Variants in KCNIP4 observed in about 807,000 individuals in gnomAD.
KCNIP4 encodes the protein potassium voltage-gated channel interacting protein 4.
A neutral mutation model predicts 34.0 loss-of-function variants in KCNIP4; 12 were observed. The observed-to-expected ratio is 0.35, with a 90% CI of 0.23 to 0.57. KCNIP4 has a LOEUF of 0.57. Ranked by LOEUF, KCNIP4 falls within the 20% of genes least tolerant of loss-of-function variation. The probability of loss-of-function intolerance (pLI) is 0.83; values close to 1 mark genes in which losing one functional copy is unlikely to be tolerated. For synonymous variants in KCNIP4, 124 were observed against 102.2 expected (o/e 1.21, Z -1.29); for missense variants, 238 against 311.7 (o/e 0.76, Z 1.78).
intron 1 of KCNIP4, among the ~76,000 whole-genome samples, chr4:21,467,119 A>ACACACAC (rs1560434385): frequency 2.5e-4 from 20 of 79,694 alleles, no homozygotes; most frequent in Non-Finnish European, 3.9e-4. Context: ...CACACACACA[A>ACACACAC]AACAGAACAT....
At chr4:20,866,833 C>A (rs929862258) in intron 2 of KCNIP4, among the ~76,000 whole-genome samples, 4 of 151,992 alleles carry the variant, frequency 2.6e-5, no homozygotes, top group African/African-American at 9.7e-5. Flanking sequence ...AATCAATGCA[C>A]AAAACTCAGT....
chr4:21,226,868 A>T (rs963123332), intron 1 of KCNIP4, among the ~76,000 whole-genome samples: 12 of 150,728 alleles, frequency 8.0e-5, no homozygotes, highest in African/African-American at 2.7e-4. Context: ...TGAACCAGTA[A>T]TTTTTTTTTT....
intron 1 of KCNIP4, among the ~76,000 whole-genome samples, chr4:21,786,295 G>GT (rs1357659225): frequency 6.6e-6 from 1 of 152,058 alleles, no homozygotes; most frequent in Non-Finnish European, 1.5e-5. Context: ...GGGTCATATG[G>GT]TAACTACATG....
At chr4:21,039,525 T>A (rs550514886) in intron 1 of KCNIP4, among the ~76,000 whole-genome samples, 1 of 152,180 alleles carries the variant, frequency 6.6e-6, no homozygotes, top group Non-Finnish European at 1.5e-5. Flanking sequence ...TTCATTCTTA[T>A]AGGGTGACTA....
chr4:21,437,383 T>C (rs1727037245), intron 1 of KCNIP4, among the ~76,000 whole-genome samples: 1 of 152,168 alleles, frequency 6.6e-6, no homozygotes, highest in South Asian at 2.1e-4. Context: ...TTATAACAAA[T>C]AAAAAGCAGT....
intron 1 of KCNIP4, among the ~76,000 whole-genome samples, chr4:21,494,158 C>T (rs1483824442): frequency 6.6e-6 from 1 of 152,114 alleles, no homozygotes; most frequent in African/African-American, 2.4e-5. Flanking sequence ...TGACCCAGAG[C>T]TGAGTAATGT....
chr4:20,748,777 A>G (rs145674370), intron 5 of KCNIP4, among the ~76,000 whole-genome samples: 21 of 150,132 alleles, frequency 1.4e-4, no homozygotes, highest in African/African-American at 5.1e-4. Flanking sequence ...TTCACAGCTG[A>G]TCAGAGTTCA....
At chr4:20,758,261 G>A (rs12509329) in intron 4 of KCNIP4, among the ~76,000 whole-genome samples, 6,072 of 152,084 alleles carry the variant, frequency 0.04, 151 homozygotes, top group East Asian at 0.1. Context: ...ATAATATCTA[G>A]GATGGTTTTA....
At chr4:20,961,680 C>T (rs969896393) in intron 1 of KCNIP4, among the ~76,000 whole-genome samples, 4 of 152,144 alleles carry the variant, frequency 2.6e-5, no homozygotes, top group Admixed American at 1.3e-4. Flanking sequence ...AAAAGTATAA[C>T]CAGAAAAATT....
chr4:21,273,427 G>T (rs1762268772), intron 1 of KCNIP4, among the ~76,000 whole-genome samples: 1 of 152,100 alleles, frequency 6.6e-6, no homozygotes, highest in African/African-American at 2.4e-5. Context: ...CTCAGTGAAA[G>T]CCATTTACAT....
At chr4:21,057,113 C>T (rs1489486573) in intron 1 of KCNIP4, among the ~76,000 whole-genome samples, 2 of 151,944 alleles carry the variant, frequency 1.3e-5, no homozygotes, top group Non-Finnish European at 2.9e-5. Context: ...TTACAATGTG[C>T]CCAAATTGTA....
intron 1 of KCNIP4, among the ~76,000 whole-genome samples, chr4:21,590,628 G>A (rs1439317673): frequency 1.3e-5 from 2 of 151,948 alleles, no homozygotes; most frequent in East Asian, 3.9e-4. Flanking sequence ...CTGAAGTTGT[G>A]TGACATAGAT....
intron 1 of KCNIP4, among the ~76,000 whole-genome samples, chr4:21,277,087 G>A (rs186720796): frequency 4.9e-4 from 74 of 152,286 alleles, no homozygotes; most frequent in African/African-American, 1.7e-3. Flanking sequence ...AGCAACTAAA[G>A]TAAGATTTTT....
intron 5 of KCNIP4, among the ~76,000 whole-genome samples, chr4:20,740,984 C>G (rs947242803): frequency 2.0e-5 from 3 of 152,236 alleles, no homozygotes; most frequent in East Asian, 1.9e-4. Flanking sequence ...AAGGCTATTA[C>G]ATAATGGTAA....
At chr4:21,588,174 C>T (rs1331616424) in intron 1 of KCNIP4, among the ~76,000 whole-genome samples, 2 of 152,014 alleles carry the variant, frequency 1.3e-5, no homozygotes, top group African/African-American at 4.8e-5. Context: ...TAACTACCAA[C>T]ATTATTTTTC....
At chr4:21,139,094 TG>T (rs1281857261) in intron 1 of KCNIP4, among the ~76,000 whole-genome samples, 1 of 152,170 alleles carries the variant, frequency 6.6e-6, no homozygotes, top group Non-Finnish European at 1.5e-5. Context: ...TTTTTTAACT[TG>T]GGTTTGCATG....
At chr4:21,828,170 G>A (rs1430394843) in intron 1 of KCNIP4, among the ~76,000 whole-genome samples, 1 of 151,098 alleles carries the variant, frequency 6.6e-6, no homozygotes, top group Non-Finnish European at 1.5e-5. Context: ...AAGTTGGTAC[G>A]TATATTTTAA....
intron 1 of KCNIP4, chr4:21,718,688 T>C (rs1166387390): frequency 1.3e-5 from 2 of 152,204 alleles, no homozygotes; most frequent in Admixed American, 1.3e-4. Flanking sequence ...TGCTTCCTTC[T>C]TGCGTGGATA....
At chr4:21,304,896 C>G (rs1330119074) in intron 1 of KCNIP4, among the ~76,000 whole-genome samples, 1 of 151,894 alleles carries the variant, frequency 6.6e-6, no homozygotes, top group Non-Finnish European at 1.5e-5. Context: ...AAAATATATA[C>G]AGTATTTAAT....
Sources: allele counts gnomAD v4.1 joint callset (sites outside exome capture counted in the v4.1 genomes callset), GRCh38; gene constraint gnomAD v4.1.1; transcripts MANE v1.5; gene names NCBI Gene and HGNC (gene_info 2026-07-23, HGNC 2026-07-21).